The following CLCA4 variants were observed in gnomAD, a reference collection of about 807,000 sequenced individuals.
CLCA4 encodes chloride channel accessory 4.
CLCA4 carries 69 observed loss-of-function variants against 78.9 expected under a neutral mutation model. The ratio of observed to expected loss-of-function variants is 0.87; its 90% CI spans 0.72 to 1.07. The LOEUF (loss-of-function observed/expected upper bound fraction) is 1.07, where lower values mean the gene tolerates loss of function less well. CLCA4 is among the 50% of genes least tolerant of loss of function. The probability of loss-of-function intolerance (pLI) is 0.00; values close to 1 mark genes in which losing one functional copy is unlikely to be tolerated. For synonymous variants in CLCA4, 362 were observed against 375.8 expected (o/e 0.96, Z 0.42); for missense variants, 1,133 against 1,095.8 (o/e 1.03, Z -0.48).
At chr1:86,557,742 T>C (rs1649892810) in intron 1 of CLCA4, among the ~76,000 whole-genome samples, 1 of 152,138 alleles carries the variant, frequency 6.6e-6, no homozygotes, top group Admixed American at 6.5e-5. Flanking sequence ...TTTGGTCCAA[T>C]GTTGAGTTCA....
chr1:86,572,137 G>GA (rs1650367351), intron 8 of CLCA4, among the ~76,000 whole-genome samples: 1 of 151,890 alleles, frequency 6.6e-6, no homozygotes, highest in African/African-American at 2.4e-5. Context: ...AAATATAGCA[G>GA]CTCTTTCATC....
Position 86,567,669 on chromosome 1 carries a change from A to G in CLCA4, c.1182+18A>G, listed in dbSNP as rs756158701. On this transcript the variant is annotated intron_variant, in intron 7 of 13. Coordinates refer to ENST00000370563, the MANE Select transcript of CLCA4 (RefSeq NM_012128.4). Reference sequence around the variant, plus strand: ...CATTTCAGGTGAAAATCGTACTGCAAATATATTTTGGTTTTTGTTTCTTTT... The same window carrying G: ...CATTTCAGGTGAAAATCGTACTGCAGATATATTTTGGTTTTTGTTTCTTTT... 2.5e-6 allele frequency: 4 copies of G among 1,596,570 alleles called. 1 individual carries two copies. The highest frequency in any genetic ancestry group is 3.4e-6 in the Non-Finnish European group (4 of 1,167,682).
chr1:86,575,780 A>C (rs1157179839), intron 11 of CLCA4, among the ~76,000 whole-genome samples, 181 bp downstream of exon 11: 4 of 152,072 alleles, frequency 2.6e-5, no homozygotes, highest in Non-Finnish European at 5.9e-5. Flanking sequence ...AATGTCTTGC[A>C]TGTGGTAAGC....
rs1186008531 is a variant in CLCA4, at chr1:86,560,021, T to C, written c.249T>C (p.Asn83=). 2.5e-6 allele frequency: 4 copies of C among 1,609,306 alleles called. No homozygotes were observed. In the East Asian group the frequency reaches 8.9e-5, roughly 36 times the overall value. Residue 83 remains asparagine, a synonymous_variant, in exon 2 of 14, where the codon AAT becomes AAC. Coordinates refer to ENST00000370563, the MANE Select transcript of CLCA4 (RefSeq NM_012128.4). ...FKNVSILIPE[N]WKENPQYKRP... ...ATGTATCTATATTAATTCCTGAGAA[T>C]TGGAAGGAAAATCCTCAGTACAAAA... is the stretch of plus-strand genomic sequence containing the variant.
chr1:86,563,694 G>A lies in CLCA4; in HGVS notation c.482G>A (p.Arg161Gln), dbSNP rs377252384. 31 of 1,603,636 alleles carry A rather than the reference G, an allele frequency of 1.9e-5. No homozygotes were observed. The Middle Eastern group carries it at 4.9e-4, about 26-fold the overall frequency. ...KLFVHEWAHL[R>Q]WGVFDEYNED... is the part of the protein sequence containing the mutation. ...TTTGTCCATGAGTGGGCTCACCTCCGGTGGGGAGTGTTTGATGAGTACAAT... is the reference window on the plus strand; with the variant it reads ...TTTGTCCATGAGTGGGCTCACCTCCAGTGGGGAGTGTTTGATGAGTACAAT... The change falls in exon 4 of 14, where the codon CGG becomes CAG. Residue 161 changes from arginine (R) to glutamine (Q), a missense_variant. Coordinates refer to ENST00000370563, the MANE Select transcript of CLCA4 (RefSeq NM_012128.4).
intron 13 of CLCA4, 40 bp from the exon 14 acceptor site, chr1:86,579,902 T>C (rs1160206031): frequency 3.1e-6 from 4 of 1,271,096 alleles, no homozygotes; most frequent in Non-Finnish European, 2.2e-6. Context: ...GAATATGCTA[T>C]GCTGCAGTCT....
intron 1 of CLCA4, among the ~76,000 whole-genome samples, chr1:86,554,771 A>G (rs1172289747): frequency 6.6e-6 from 1 of 151,992 alleles, no homozygotes; most frequent in Non-Finnish European, 1.5e-5. Flanking sequence ...AGGAATCACC[A>G]TATTGCTTTC....
chr1:86,553,378 G>T (rs1045467439), intron 1 of CLCA4: 5 of 524,786 alleles, frequency 9.5e-6, no homozygotes, highest in African/African-American at 7.9e-5. Context: ...GGGTCCTGCC[G>T]TCTCGTGCAT....
At chr1:86,553,215 A>C in intron 1 of CLCA4, 1 of 1,170,968 alleles carries the variant, frequency 8.5e-7, no homozygotes, top group Non-Finnish European at 1.3e-6. Context: ...CTGCAGCTTC[A>C]CCAGGGACAT....
At chr1:86,548,297 A>T (rs1268243476) in intron 1 of CLCA4, among the ~76,000 whole-genome samples, 3 of 152,138 alleles carry the variant, frequency 2.0e-5, no homozygotes, top group Non-Finnish European at 4.4e-5. Flanking sequence ...TATTATTATT[A>T]TTACTTTGTC....
At chr1:86,560,168 T>G (rs1417918700) in intron 2 of CLCA4, 43 bp from the exon 3 acceptor site, 2 of 1,575,132 alleles carry the variant, frequency 1.3e-6, no homozygotes, top group African/African-American at 2.7e-5. Context: ...GAATATTATC[T>G]TTTTTATTTT....
intron 1 of CLCA4, 116 bp from the exon 2 acceptor site, chr1:86,559,816 C>A: frequency 1.3e-6 from 1 of 757,162 alleles, no homozygotes; most frequent in Admixed American, 2.6e-5. Flanking sequence ...AGACCCTACT[C>A]ATCAGTCTGT....
chr1:86,572,586 CAGTCT>C, intron 8 of CLCA4, 23 bp from the exon 9 acceptor site: 1 of 1,222,012 alleles, frequency 8.2e-7, no homozygotes. Flanking sequence ...TTCTAGAAAG[CAGTCT>C]AATTAATGCA....
Position 86,578,070 on chromosome 1 carries a change from A to C in CLCA4, c.2120A>C (p.Asn707Thr). The change falls in exon 12 of 14, where the codon AAC (asparagine) becomes ACC (threonine). Residue 707 changes from asparagine (N) to threonine (T), a missense_variant and splice_region_variant. Coordinates refer to ENST00000370563, the MANE Select transcript of CLCA4 (RefSeq NM_012128.4). Reference sequence around the variant, plus strand: ...GCGTACATACCAGGCTGGGTAGTGAACGGTGAGTAACTCATGATATTTATA... The same window carrying C: ...GCGTACATACCAGGCTGGGTAGTGACCGGTGAGTAACTCATGATATTTATA... ...RAAYIPGWVVNGEIEANPPRP... is the reference protein window; with the variant it reads ...RAAYIPGWVVTGEIEANPPRP... 6.2e-7 allele frequency: 1 copy of C among 1,607,350 alleles called. No homozygotes were observed. The highest frequency in any genetic ancestry group is 8.5e-7 in the Non-Finnish European group (1 of 1,177,260).
intron 10 of CLCA4, 79 bp downstream of exon 10, chr1:86,574,834 T>C (rs1309772906): frequency 3.9e-6 from 4 of 1,021,512 alleles, no homozygotes; most frequent in Non-Finnish European, 6.0e-6. Flanking sequence ...TAAATGTCAG[T>C]ACCAAAGGCT....
rs146947783 is a variant in CLCA4 at position 86,562,239 on chromosome 1, A to G, written c.449-1422A>G. 1.8e-4 allele frequency among the ~76,000 whole-genome samples: 27 copies of G among 152,328 alleles called. No individual in the cohort carries two copies. In the East Asian group the frequency reaches 4.2e-3, roughly 24 times the overall value. Reference sequence around the variant, plus strand: ...GGCATGGGAGGCAGGGAAACCTGAGAACGAATCAAGTCTGAGTAGACTCTT... The same window carrying G: ...GGCATGGGAGGCAGGGAAACCTGAGGACGAATCAAGTCTGAGTAGACTCTT... On this transcript the variant is annotated intron_variant, in intron 3 of 13. Transcript: ENST00000370563.
chr1:86,563,991 C>T (rs536521932), intron 4 of CLCA4, among the ~76,000 whole-genome samples: 34 of 152,212 alleles, frequency 2.2e-4, no homozygotes, highest in African/African-American at 7.9e-4. Flanking sequence ...TTTTATACCT[C>T]TCTACCATAG....
intron 2 of CLCA4, 34 bp from the exon 3 acceptor site, chr1:86,560,177 T>G: frequency 6.3e-7 from 1 of 1,578,474 alleles, no homozygotes; most frequent in Non-Finnish European, 8.6e-7. Context: ...CTTTTTTATT[T>G]TTGATGTTTG....
chr1:86,549,652 T>C (rs968238198), intron 1 of CLCA4, among the ~76,000 whole-genome samples: 1 of 151,992 alleles, frequency 6.6e-6, no homozygotes, highest in Non-Finnish European at 1.5e-5. Flanking sequence ...AGTGATATGG[T>C]GGTTAAGATG....
Sources: allele counts gnomAD v4.1 joint callset (sites outside exome capture counted in the v4.1 genomes callset), GRCh38; gene constraint gnomAD v4.1.1; transcripts MANE v1.5; gene names NCBI Gene and HGNC (gene_info 2026-07-23, HGNC 2026-07-21).